Variants in NTN1 observed in about 807,000 individuals in gnomAD.
NTN1 encodes netrin-1.
Under a neutral mutation model 54.2 loss-of-function variants are expected in NTN1, and 11 were observed. The ratio of observed to expected loss-of-function variants is 0.20; its 90% CI spans 0.13 to 0.34. NTN1 has a LOEUF of 0.34. NTN1 is among the 10% of genes least tolerant of loss of function. The pLI, the probability that NTN1 is intolerant of heterozygous loss-of-function variation, is 1.00. For missense variants in NTN1, 740 were observed against 893.1 expected (o/e 0.83, Z 2.18); for synonymous variants, 371 against 382.0 (o/e 0.97, Z 0.33).
At chr17:9,092,682 G>A (rs980029135) in intron 2 of NTN1, among the ~76,000 whole-genome samples, 2 of 151,654 alleles carry the variant, frequency 1.3e-5, no homozygotes, top group African/African-American at 4.8e-5. Flanking sequence ...CAACCTTTGT[G>A]TCCTGGGTTC....
intron 3 of NTN1, among the ~76,000 whole-genome samples, chr17:9,164,925 G>A (rs1597512994): frequency 6.6e-6 from 1 of 152,216 alleles, no homozygotes. Flanking sequence ...GACAAGCCCC[G>A]GGAGAGATGG....
chr17:9,047,697 C>CT (rs560386660), intron 2 of NTN1, among the ~76,000 whole-genome samples: 19,792 of 142,258 alleles, frequency 0.14, 1,498 homozygotes, highest in Non-Finnish European at 0.18. Flanking sequence ...CACGAATTTT[C>CT]TTTTTTTTTT....
At chr17:9,144,606 G>A (rs536589782) in intron 2 of NTN1, among the ~76,000 whole-genome samples, 7 of 152,308 alleles carry the variant, frequency 4.6e-5, no homozygotes, top group South Asian at 2.1e-4. Context: ...ATAAGAGGGT[G>A]CTTGTAATTA....
intron 2 of NTN1, among the ~76,000 whole-genome samples, chr17:9,134,750 C>T (rs1415810456): frequency 6.6e-6 from 1 of 152,190 alleles, no homozygotes; most frequent in African/African-American, 2.4e-5. Flanking sequence ...CATGCAGAGA[C>T]AGTCAGTGCA....
chr17:9,223,141 G>GA (rs1429848719), intron 6 of NTN1, among the ~76,000 whole-genome samples: 7 of 152,190 alleles, frequency 4.6e-5, no homozygotes, highest in Non-Finnish European at 8.8e-5. Context: ...GGGCAGTGCA[G>GA]AAACTTCCAC....
intron 2 of NTN1, among the ~76,000 whole-genome samples, chr17:9,152,403 C>T (rs1218158978): frequency 1.3e-5 from 2 of 152,186 alleles, no homozygotes; most frequent in African/African-American, 4.8e-5. Context: ...CTGAAAGACC[C>T]AGGTGGTCAT....
rs1207071509 is a variant in NTN1, at chr17:9,162,877, G to T, written c.1083G>T (p.Gly361=). ...ACATGGAGCTCTACAAGCTTTCGGG[G>T]CGCAAGAGCGGAGGTGTCTGCCTCA... ...RFNMELYKLS[G]RKSGGVCLNC... is the part of the protein sequence containing the mutation. Residue 361 remains glycine (G), a synonymous_variant, in exon 3 of 7, where the codon GGG becomes GGT. Transcript: ENST00000173229. The T allele has an allele frequency of 6.8e-6, 11 of 1,613,998 alleles. No individual in the cohort carries two copies. Among genetic ancestry groups the T allele is most frequent in the Non-Finnish European group, 8.5e-6 (10 of 1,180,022 alleles).
At chr17:9,137,756 T>C (rs1447316082) in intron 2 of NTN1, among the ~76,000 whole-genome samples, 1 of 151,544 alleles carries the variant, frequency 6.6e-6, no homozygotes, top group East Asian at 1.9e-4. Flanking sequence ...ATCGCGCCAC[T>C]GCACTCCAGT....
chr17:9,233,767 C>G (rs562395061), intron 6 of NTN1, among the ~76,000 whole-genome samples: 1 of 151,940 alleles, frequency 6.6e-6, no homozygotes. Context: ...GAAGGAAGAC[C>G]AGATGCTCAC....
At chr17:9,068,887 G>A (rs148241152) in intron 2 of NTN1, among the ~76,000 whole-genome samples, 1 of 152,040 alleles carries the variant, frequency 6.6e-6, no homozygotes, top group African/African-American at 2.4e-5. Context: ...TTCCAAAAGG[G>A]GCTCTAAGAT....
rs183016154 is a variant in NTN1, at chr17:9,139,148, G to A, written c.1019-23665G>A. On this transcript the variant is annotated intron_variant, in intron 2 of 6. Transcript: ENST00000173229. ...GGGCTCATGGGGGTGATGCCAGTCA[G>A]GGGATTGGGAAGGTTGTGGGGGCCT... Among the ~76,000 whole-genome samples, 283 of 152,244 alleles carry A rather than the reference G, an allele frequency of 1.9e-3. 1 individual carries two copies. Among genetic ancestry groups the A allele is most frequent in the African/African-American group, 6.1e-3 (253 of 41,536 alleles).
rs925890899 is a variant in NTN1, at chr17:9,221,039, G to A, written c.1412-129G>A. 4.3e-5 allele frequency: 32 copies of A among 751,624 alleles called. No individual in the cohort carries two copies. The highest frequency in any genetic ancestry group is 3.1e-4 in the South Asian group (20 of 65,542). The allele number at this position is 751,624 out of a possible 1,614,324, so 46.6% of individuals were successfully genotyped here. A position where few individuals can be genotyped will look rare whatever the true frequency, so the allele number is the denominator to read the frequency against. ...GCCTTTCCTGAATGGCCGCCTGCCC[G>A]CCCGGCCTGGCCCATGGGTATCACA... On this transcript the variant is annotated intron_variant, in intron 5 of 6. Coordinates refer to ENST00000173229, the MANE Select transcript of NTN1 (RefSeq NM_004822.3). The surrounding 1 kb of genome is among the most constrained non-coding windows in gnomAD (Gnocchi z 4.5).
intron 5 of NTN1, among the ~76,000 whole-genome samples, chr17:9,215,663 A>G (rs1358786429): frequency 1.3e-5 from 2 of 152,214 alleles, no homozygotes; most frequent in Admixed American, 1.3e-4. Flanking sequence ...TTAGGTCACA[A>G]ATTTTTCCCT....
At chr17:9,036,149 C>A (rs2091902781) in intron 2 of NTN1, among the ~76,000 whole-genome samples, 1 of 152,186 alleles carries the variant, frequency 6.6e-6, no homozygotes, top group African/African-American at 2.4e-5. Context: ...GCGTGAGCCA[C>A]CATGGCTGGC....
chr17:9,013,218 T>A, the NTN1 span, among the ~76,000 whole-genome samples: 21 of 54,232 alleles, frequency 3.9e-4, no homozygotes, highest in African/African-American at 1.0e-3. Context: ...TTCTTTTTCT[T>A]TTTTTTTTTT....
At chr17:9,169,722 G>A (rs528765433) in intron 3 of NTN1, among the ~76,000 whole-genome samples, 4 of 152,322 alleles carry the variant, frequency 2.6e-5, no homozygotes, top group Admixed American at 6.5e-5. Flanking sequence ...AGAATTAGCC[G>A]GGTGTGGTGG....
At chr17:9,031,519 A>G (rs146641526) in intron 2 of NTN1, among the ~76,000 whole-genome samples, 116 of 152,334 alleles carry the variant, frequency 7.6e-4, no homozygotes, top group African/African-American at 2.5e-3. Context: ...GATGAAAACT[A>G]TCTGCCATTT....
At chr17:9,026,584 G>A (rs1352943665) in intron 2 of NTN1, among the ~76,000 whole-genome samples, 1 of 152,030 alleles carries the variant, frequency 6.6e-6, no homozygotes, top group African/African-American at 2.4e-5. Flanking sequence ...TGGTGGGGCT[G>A]TGTGTACATT....
chr17:9,036,581 A>C (rs1016916775), intron 2 of NTN1, among the ~76,000 whole-genome samples: 4 of 151,822 alleles, frequency 2.6e-5, no homozygotes, highest in African/African-American at 9.7e-5. Flanking sequence ...TTTAATCTGC[A>C]TACTCCCTGA....
Sources: allele counts gnomAD v4.1 joint callset (sites outside exome capture counted in the v4.1 genomes callset), GRCh38; gene constraint gnomAD v4.1.1; non-coding constraint Gnocchi (gnomAD v3.1); transcripts MANE v1.5; gene names NCBI Gene and HGNC (gene_info 2026-07-23, HGNC 2026-07-21).